CRYBG1: variants seen among roughly 807,000 people sequenced by gnomAD.
The protein encoded by CRYBG1 is crystallin beta-gamma domain containing 1.
In CRYBG1, 139 loss-of-function variants were observed where a neutral mutation model predicts 189.2. That is an observed-to-expected ratio of 0.73 (90% CI 0.64 to 0.85). CRYBG1 has a LOEUF of 0.85. Ranked by LOEUF, CRYBG1 falls within the 40% of genes least tolerant of loss-of-function variation. The pLI is 0.00. For synonymous variants in CRYBG1, 1,023 were observed against 1,017.1 expected, an observed-to-expected ratio of 1.01 and a Z score of -0.11; for missense variants, 2,611 against 2,675.8, an observed-to-expected ratio of 0.98 and a Z score of 0.53.
intron 2 of CRYBG1, among the ~76,000 whole-genome samples, chr6:106,498,448 T>G (rs999888412): frequency 6.5e-4 from 99 of 152,286 alleles, no homozygotes; most frequent in African/African-American, 2.3e-3. Context: ...CCATTAGGAA[T>G]GTATCTTATG....
At chr6:106,564,167 AAACAAC>A (rs151038275) in intron 21 of CRYBG1, among the ~76,000 whole-genome samples, 1,580 of 151,946 alleles carry the variant, frequency 0.01, 28 homozygotes, top group African/African-American at 0.035. Context: ...TTTACAGACA[AAACAAC>A]AACAACAACA....
At chr6:106,546,753 C>T (rs759529695) in intron 13 of CRYBG1, among the ~76,000 whole-genome samples, 1 of 152,174 alleles carries the variant, frequency 6.6e-6, no homozygotes, top group Non-Finnish European at 1.5e-5. Context: ...TGAAATGTTG[C>T]TGGGGCTCTG....
chr6:106,564,352 T>G lies in CRYBG1; in HGVS notation c.6301+426T>G, dbSNP rs183165778. Among the ~76,000 whole-genome samples, 60 of 152,324 alleles carry G rather than the reference T, an allele frequency of 3.9e-4. 1 individual carries two copies. The highest frequency in any genetic ancestry group is 1.0e-3 in the Admixed American group (16 of 15,298). On this transcript the variant is annotated intron_variant, in intron 21 of 21. Coordinates refer to ENST00000633556, the MANE Select transcript of CRYBG1 (RefSeq NM_001371242.2). The stretch of plus-strand genomic sequence containing the variant: ...AAGGCCGTGATTGCACTTAGTTCGG[T>G]AGAGTTGATGATTCTCATGTATACA...
rs1430241526 is a variant in CRYBG1 at position 106,570,417 on chromosome 6, G to C, written c.*1851G>C. The C allele has an allele frequency of 6.6e-6, 1 of 152,198 alleles. No homozygotes were observed. Among genetic ancestry groups the C allele is most frequent in the Non-Finnish European group, 1.5e-5 (1 of 68,028 alleles). 9.4% of individuals were successfully genotyped at this position (152,198 alleles called of 1,614,324 possible). On this transcript the variant is annotated 3_prime_UTR_variant, in exon 22 of 22. Coordinates refer to ENST00000633556, the MANE Select transcript of CRYBG1 (RefSeq NM_001371242.2). ...ATTCTACAGTAGCCTGTGCTGAACT[G>C]ATCTCTTAAATAAACTTGCTTCTGG... is the stretch of plus-strand genomic sequence containing the variant.
chr6:106,435,484 C>T (rs1771437149), intron 1 of CRYBG1, among the ~76,000 whole-genome samples: 1 of 152,166 alleles, frequency 6.6e-6, no homozygotes, highest in South Asian at 2.1e-4. Context: ...ACATTACAAT[C>T]ATTTGTAATG....
rs1562095152 is a variant in CRYBG1, at chr6:106,511,737, C to G, written c.620C>G (p.Pro207Arg). 6.5e-7 allele frequency: 1 copy of G among 1,535,294 alleles called. No homozygotes were observed. Among genetic ancestry groups the G allele is most frequent in the Non-Finnish European group, 8.7e-7 (1 of 1,146,604 alleles). ...LPESGGPAAP[P>R]DAELSPRWSS... ...GAGAGCGGTGGCCCCGCAGCCCCCC[C>G]TGACGCCGAGCTGTCACCTCGCTGG... The change falls in exon 3 of 22, where the codon CCT (proline) becomes CGT (arginine). Residue 207 changes from proline (P) to arginine (R), a missense_variant. Pro to Arg is a moderately radical substitution (Grantham distance 103). Coordinates refer to ENST00000633556, the MANE Select transcript of CRYBG1 (RefSeq NM_001371242.2).
intron 2 of CRYBG1, among the ~76,000 whole-genome samples, chr6:106,503,596 A>C (rs553982164): frequency 6.6e-6 from 1 of 152,354 alleles, no homozygotes; most frequent in East Asian, 1.9e-4. Context: ...TTGCCTCTTT[A>C]AGGTGCGGAG....
At chr6:106,552,323 C>A (rs978670150) in intron 15 of CRYBG1, 107 bp downstream of exon 15, 18 of 762,842 alleles carry the variant, frequency 2.4e-5, no homozygotes, top group Non-Finnish European at 3.2e-5. Context: ...TGGTGGCTCA[C>A]GCCTGTAATC....
At chr6:106,530,598 C>G (rs1773857012) in intron 8 of CRYBG1, among the ~76,000 whole-genome samples, 1 of 151,894 alleles carries the variant, frequency 6.6e-6, no homozygotes, top group African/African-American at 2.4e-5. Flanking sequence ...TTATTCAAAG[C>G]TGAGTAGCAG....
At chr6:106,530,383 AC>A (rs1562107260) in intron 8 of CRYBG1, 68 bp downstream of exon 8, 2 of 1,413,492 alleles carry the variant, frequency 1.4e-6, no homozygotes, top group Non-Finnish European at 1.9e-6. Flanking sequence ...GAAAAAGAGG[AC>A]TTAAGATACT....
At chr6:106,486,970 T>A (rs1195341449) in intron 2 of CRYBG1, among the ~76,000 whole-genome samples, 1 of 152,302 alleles carries the variant, frequency 6.6e-6, no homozygotes, top group South Asian at 2.1e-4. Flanking sequence ...CTGGTTTTTT[T>A]GTAGATTGTT....
In CRYBG1 at chr6:106,513,035, A is replaced by T. The variant is rs1483590306; in HGVS notation, c.1918A>T (p.Thr640Ser). 6.2e-7 allele frequency: 1 copy of T among 1,600,782 alleles called. No individual in the cohort carries two copies. Among genetic ancestry groups the T allele is most frequent in the Admixed American group, 1.7e-5 (1 of 59,818 alleles). The change falls in exon 3 of 22, where the codon ACC (threonine) becomes TCC (serine). Residue 640 changes from threonine (T) to serine (S), a missense_variant. Around this residue, in one of 3 missense-constraint regions of CRYBG1, gnomAD observed 985 missense variants for 924.4 expected, o/e 1.07. Transcript: ENST00000633556. ...CAGGTCGACAGTGACCACTAAAGTG[A>T]CCCTGTAAGTAGCCGCGCAAGTCCC... ...VGRSTVTTKV[T>S]LPAKPKHVEL...
At chr6:106,545,834 AG>A (rs1418787770) in intron 13 of CRYBG1, among the ~76,000 whole-genome samples, 14 of 152,246 alleles carry the variant, frequency 9.2e-5, no homozygotes, top group African/African-American at 3.4e-4. Context: ...GTGTGCCACC[AG>A]GCCTGGCTAA....
At chr6:106,495,718 A>G (rs933109939) in intron 2 of CRYBG1, among the ~76,000 whole-genome samples, 1 of 150,914 alleles carries the variant, frequency 6.6e-6, no homozygotes, top group Non-Finnish European at 1.5e-5. Context: ...CTCATTGAAT[A>G]TATTTGAGTT....
intron 8 of CRYBG1, among the ~76,000 whole-genome samples, chr6:106,536,245 G>C (rs783402): frequency 0.42 from 63,194 of 152,094 alleles, 13,835 homozygotes; most frequent in East Asian, 0.79. Context: ...GTTTTGGCAC[G>C]GATACTTCAT....
chr6:106,517,316 A>ATATAT (rs1773446987), intron 3 of CRYBG1, among the ~76,000 whole-genome samples: 1 of 108,230 alleles, frequency 9.2e-6, no homozygotes, highest in African/African-American at 5.5e-5. Flanking sequence ...ACACACACAC[A>ATATAT]CATATATATA....
At chr6:106,414,836 G>A (rs990135332) in intron 1 of CRYBG1, among the ~76,000 whole-genome samples, 15 of 152,100 alleles carry the variant, frequency 9.9e-5, no homozygotes, top group Non-Finnish European at 1.9e-4. Flanking sequence ...CCTTTGAAGG[G>A]TACTTTTCAA....
Position 106,520,164 on chromosome 6 carries a change from T to C in CRYBG1, c.2956T>C (p.Leu986=), listed in dbSNP as rs780161376. The change falls in exon 4 of 22, where the codon TTG becomes CTG. Residue 986 remains leucine (L), a synonymous_variant. Transcript: ENST00000633556. ...GAGCTCTGAAGTTAGAGAAGTGCAG[T>C]TGCCAACTTGTCACAGTAATGAACC... ...PESSEVREVQ[L]PTCHSNEPEV... The C allele has an allele frequency of 3.7e-6, 6 of 1,614,014 alleles. No homozygotes were observed. The highest frequency in any genetic ancestry group is 2.2e-5 in the South Asian group (2 of 91,082).
At chr6:106,552,715 CAGT>C (rs904510976) in intron 15 of CRYBG1, among the ~76,000 whole-genome samples, 1 of 150,760 alleles carries the variant, frequency 6.6e-6, no homozygotes, top group African/African-American at 2.4e-5. Flanking sequence ...GGTTAATTGA[CAGT>C]ACTGACCCAT....
Sources: allele counts gnomAD v4.1 joint callset (sites outside exome capture counted in the v4.1 genomes callset), GRCh38; gene constraint gnomAD v4.1.1; regional missense constraint gnomAD v4.1.1; transcripts MANE v1.5; gene names NCBI Gene and HGNC (gene_info 2026-07-23, HGNC 2026-07-21).